The following EPHB1 variants were observed in gnomAD, a reference collection of about 807,000 sequenced individuals.
EPHB1 encodes EPH receptor B1, also known as ephrin type-B receptor 1.
Under a neutral mutation model 94.4 loss-of-function variants are expected in EPHB1, and 30 were observed. That is an observed-to-expected ratio of 0.32 (90% CI 0.24 to 0.43). EPHB1 has a LOEUF of 0.43. EPHB1 is among the 20% of genes least tolerant of loss of function. EPHB1 has a pLI of 1.00. For missense variants in EPHB1, 1,055 were observed against 1,308.3 expected (o/e 0.81, Z 2.99); for synonymous variants, 522 against 489.1 (o/e 1.07, Z -0.89).
chr3:135,018,981 G>T (rs1935899271), intron 3 of EPHB1, among the ~76,000 whole-genome samples: 1 of 151,912 alleles, frequency 6.6e-6, no homozygotes, highest in Admixed American at 6.5e-5. Context: ...GCATGAGGCA[G>T]AGAGGACAGG....
intron 3 of EPHB1, among the ~76,000 whole-genome samples, chr3:134,966,343 G>C (rs1283678232): frequency 6.6e-6 from 1 of 152,170 alleles, no homozygotes; most frequent in Non-Finnish European, 1.5e-5. Flanking sequence ...AGGATATTAT[G>C]ACAAAATAAG....
chr3:135,017,448 C>T (rs894987509), intron 3 of EPHB1, among the ~76,000 whole-genome samples: 1 of 152,164 alleles, frequency 6.6e-6, no homozygotes, highest in Admixed American at 6.5e-5. Flanking sequence ...ATTTCACTGG[C>T]AGCCGGAGCC....
chr3:134,915,009 A>G (rs1462081055), intron 1 of EPHB1, among the ~76,000 whole-genome samples: 5 of 152,062 alleles, frequency 3.3e-5, no homozygotes, highest in Admixed American at 3.3e-4. Context: ...GCAAATAGAA[A>G]CCATGACTCA....
At chr3:134,858,608 C>G (rs1161083011) in intron 1 of EPHB1, among the ~76,000 whole-genome samples, 2 of 152,166 alleles carry the variant, frequency 1.3e-5, no homozygotes, top group Non-Finnish European at 2.9e-5. Flanking sequence ...ACCTGAGTGC[C>G]AAATCACCTC....
chr3:134,858,351 C>T (rs1296892405), intron 1 of EPHB1, among the ~76,000 whole-genome samples: 1 of 152,150 alleles, frequency 6.6e-6, no homozygotes, highest in Non-Finnish European at 1.5e-5. Context: ...TCTGTGAACA[C>T]TGGCAGTGGC....
chr3:135,004,030 G>C (rs1354439848), intron 3 of EPHB1, among the ~76,000 whole-genome samples: 1 of 151,596 alleles, frequency 6.6e-6, no homozygotes, highest in Admixed American at 6.6e-5. Context: ...TTGCTTGTTA[G>C]TTGATGTAGT....
At chr3:134,829,637 C>A (rs62272421) in intron 1 of EPHB1, among the ~76,000 whole-genome samples, 22,965 of 152,130 alleles carry the variant, frequency 0.15, 1,926 homozygotes, top group South Asian at 0.4. Flanking sequence ...TAAATATTGA[C>A]TTGTGTCCCC....
intron 12 of EPHB1, among the ~76,000 whole-genome samples, chr3:135,213,529 G>A (rs1286079021): frequency 6.6e-6 from 1 of 152,188 alleles, no homozygotes; most frequent in Non-Finnish European, 1.5e-5. Flanking sequence ...ATGTTACCAA[G>A]AGAAAAGAGG....
intron 1 of EPHB1, among the ~76,000 whole-genome samples, chr3:134,886,397 TGA>T (rs938314326): frequency 8.5e-5 from 13 of 152,190 alleles, no homozygotes; most frequent in African/African-American, 2.9e-4. Flanking sequence ...TTGAGAAAAC[TGA>T]GAGACACAGA....
intron 1 of EPHB1, among the ~76,000 whole-genome samples, chr3:134,897,631 C>T (rs905845821): frequency 1.3e-5 from 2 of 152,202 alleles, no homozygotes; most frequent in Admixed American, 1.3e-4. Flanking sequence ...TGGCCAGCCC[C>T]CGTCATTCCC....
chr3:134,846,944 C>G (rs1319320341), intron 1 of EPHB1, among the ~76,000 whole-genome samples: 1 of 152,178 alleles, frequency 6.6e-6, no homozygotes, highest in Non-Finnish European at 1.5e-5. Context: ...TAGCTGCAGA[C>G]AGAATGATTT....
intron 5 of EPHB1, among the ~76,000 whole-genome samples, chr3:135,150,592 G>C (rs745877103): frequency 2.0e-4 from 31 of 152,164 alleles, no homozygotes; most frequent in South Asian, 2.1e-4. Context: ...GTCCTCCTGG[G>C]AGCACCTTAT....
chr3:135,226,288 C>A (rs1943399074), intron 12 of EPHB1, among the ~76,000 whole-genome samples: 1 of 152,226 alleles, frequency 6.6e-6, no homozygotes, highest in East Asian at 1.9e-4. Flanking sequence ...TCCTTATGTC[C>A]CTGCCCTACC....
At chr3:134,851,645 C>T (rs987985003) in intron 1 of EPHB1, among the ~76,000 whole-genome samples, 1 of 152,230 alleles carries the variant, frequency 6.6e-6, no homozygotes, top group Non-Finnish European at 1.5e-5. Flanking sequence ...GCCTTGGGTG[C>T]CCTGACCTGT....
At chr3:135,157,767 C>CTAA (rs1941397762) in intron 6 of EPHB1, among the ~76,000 whole-genome samples, 1 of 152,132 alleles carries the variant, frequency 6.6e-6, no homozygotes, top group South Asian at 2.1e-4. Context: ...CCCATGAGGG[C>CTAA]CTTTTGAAAC....
chr3:134,937,111 T>C, intron 2 of EPHB1, among the ~76,000 whole-genome samples: 1 of 152,194 alleles, frequency 6.6e-6, no homozygotes, highest in East Asian at 1.9e-4. Flanking sequence ...AGTGTGTCTA[T>C]TGGGGTTAAC....
chr3:135,146,239 G>A (rs538766581), intron 5 of EPHB1, among the ~76,000 whole-genome samples: 1 of 152,336 alleles, frequency 6.6e-6, no homozygotes, highest in Non-Finnish European at 1.5e-5. Flanking sequence ...GAAAAGAGAT[G>A]CCCACAGGGA....
chr3:134,895,370 G>C (rs959034240), intron 1 of EPHB1, among the ~76,000 whole-genome samples: 2 of 152,210 alleles, frequency 1.3e-5, no homozygotes, highest in Non-Finnish European at 2.9e-5. Context: ...TGGACACAGG[G>C]GTGGTCTTGG....
chr3:135,196,084 A>G (rs1482589304), intron 11 of EPHB1, among the ~76,000 whole-genome samples: 1 of 150,016 alleles, frequency 6.7e-6, no homozygotes. Context: ...TCTGATGGCC[A>G]GTGATGATGA....
Sources: gnomAD v4.1 joint callset for allele counts (sites outside exome capture counted in the v4.1 genomes callset) on GRCh38, gnomAD v4.1.1 for gene constraint, MANE v1.5 for transcripts, NCBI Gene and HGNC (gene_info 2026-07-23, HGNC 2026-07-21) for gene names.